The following ZNF688 variants were observed in gnomAD, a reference collection of about 807,000 sequenced individuals.
The protein encoded by ZNF688 is zinc finger protein 688.
In ZNF688, 10 loss-of-function variants were observed where a neutral mutation model predicts 13.2. The ratio of observed to expected loss-of-function variants is 0.76; its 90% CI spans 0.47 to 1.28. The LOEUF (loss-of-function observed/expected upper bound fraction) is 1.28, where lower values mean the gene tolerates loss of function less well. Ranked by LOEUF, ZNF688 falls within the 50% of genes most tolerant of loss-of-function variation. ZNF688 has a pLI of 0.00. For missense variants in ZNF688, 381 were observed against 391.4 expected, an observed-to-expected ratio of 0.97 and a Z score of 0.22; for synonymous variants, 160 against 159.4, an observed-to-expected ratio of 1.00 and a Z score of -0.03.
In ZNF688 at chr16:30,571,695, T is replaced by C. The variant is rs2151231913; in HGVS notation, c.-66A>G. On this transcript the variant is annotated 5_prime_UTR_variant, in exon 1 of 3. Transcript: ENST00000223459. ...AGCCGCCGCCTCCCCGCTCCCGGCC[T>C]CAGCTGTCGTTGTCCACAGGAAGGG... The C allele has an allele frequency of 7.4e-7, 1 of 1,358,434 alleles. No homozygotes were observed. The highest frequency in any genetic ancestry group is 3.0e-5 in the East Asian group (1 of 32,988). The allele number at this position is 1,358,434 out of a possible 1,614,324, so 84.1% of individuals were successfully genotyped here.
chr16:30,579,590 A>G, the ZNF688 span: 1 of 325,328 alleles, frequency 3.1e-6, no homozygotes, highest in Non-Finnish European at 6.2e-6. Flanking sequence ...TATATTGCCC[A>G]GCTGGTCTCA....
At position 30,569,984 on chromosome 16, in the gene ZNF688, CG is replaced by C; in HGVS notation, c.762del (p.Val255SerfsTer82). 6.2e-7 allele frequency: 1 copy of C among 1,603,682 alleles called. No homozygotes were observed. On this transcript the variant is annotated frameshift_variant, in exon 3 of 3. Coordinates refer to ENST00000223459, the MANE Select transcript of ZNF688 (RefSeq NM_145271.4). LOFTEE classifies it high-confidence loss of function. ...RPGIRAVPRA[P>X]VRGDRDPPVL... ...ACAGGCGGGTCCCGGTCACCTCGGA[CG>C]GGGGCCCGAGGCACAGCCCGGATCC...
chr16:30,572,054 G>C, upstream of ZNF688: 1 of 1,432,774 alleles, frequency 7.0e-7, no homozygotes, highest in Non-Finnish European at 9.2e-7. Context: ...GGGAGGCGGG[G>C]TGTCTGGGAA....
chr16:30,570,051 G>C lies in ZNF688; in HGVS notation c.696C>G (p.Ile232Met). ...RKFAVEAHQW[I>M]HRSCSGGRRG... The stretch of plus-strand genomic sequence containing the variant: ...GCCGCCCCCCGGAGCAGGAGCGGTG[G>C]ATCCACTGGTGCGCTTCCACTGCGA... Residue 232 changes from isoleucine to methionine, a missense_variant, in exon 3 of 3, where the codon ATC becomes ATG. Ile to Met is a conservative substitution (Grantham distance 10, BLOSUM62 1). Transcript: ENST00000223459. The C allele has an allele frequency of 6.2e-7, 1 of 1,610,990 alleles. No individual in the cohort carries two copies. Among genetic ancestry groups the C allele is most frequent in the Non-Finnish European group, 8.5e-7 (1 of 1,179,278 alleles).
In ZNF688 at chr16:30,570,991, A is replaced by G; in HGVS notation, c.310+19T>C. The G allele has an allele frequency of 6.2e-7, 1 of 1,610,234 alleles. No individual in the cohort carries two copies. The highest frequency in any genetic ancestry group is 8.5e-7 in the Non-Finnish European group (1 of 1,176,818). ...AAGCCCTGGAAAACCAAGTGGGGGG[A>G]CCCGGGACTATCCCTCACCTCTCCG... On this transcript the variant is annotated intron_variant, in intron 2 of 2. Transcript: ENST00000223459.
In ZNF688 at chr16:30,570,175, C is replaced by A. The variant is rs374380099; in HGVS notation, c.572G>T (p.Arg191Leu). The change falls in exon 3 of 3, where the codon CGC (arginine) becomes CTC (leucine). Residue 191 changes from arginine (R) to leucine (L), a missense_variant. Transcript: ENST00000223459. ...RRHVCTDCGR[R>L]FTYPSLLVSH... ...GACCAGCAGTGAGGGGTAGGTGAAG[C>A]GGCGGCCGCAGTCCGTGCACACGTG... 1 of 1,610,028 alleles carries A rather than the reference C, an allele frequency of 6.2e-7. No individual in the cohort carries two copies. The highest frequency in any genetic ancestry group is 1.1e-5 in the South Asian group (1 of 90,832).
the ZNF688 span, chr16:30,579,756 C>T: frequency 2.2e-6 from 1 of 453,560 alleles, no homozygotes; most frequent in South Asian, 1.6e-5. Flanking sequence ...AGTCACTGAC[C>T]ACCAGTCCTG....
the ZNF688 span, chr16:30,579,931 A>G: frequency 2.2e-6 from 1 of 450,852 alleles, no homozygotes; most frequent in East Asian, 7.0e-5. Flanking sequence ...TTTGTCGCCC[A>G]GGCTGGAGTG....
At chr16:30,573,090 G>A (rs909019633), upstream of ZNF688, among the ~76,000 whole-genome samples, 27 of 151,902 alleles carry the variant, frequency 1.8e-4, no homozygotes, top group Middle Eastern at 3.4e-3. Context: ...ATTTTTAGTA[G>A]AGACGGGGTT....
At chr16:30,575,656 T>G (rs2051738582), upstream of ZNF688, among the ~76,000 whole-genome samples, 1 of 151,984 alleles carries the variant, frequency 6.6e-6, no homozygotes, top group Admixed American at 6.6e-5. Flanking sequence ...CTTCTCTTTT[T>G]TTTTCTTTTT....
At chr16:30,570,900 C>T (rs1314542680) in intron 2 of ZNF688, 110 bp downstream of exon 2, 7 of 1,175,648 alleles carry the variant, frequency 6.0e-6, no homozygotes, top group Non-Finnish European at 8.7e-6. Flanking sequence ...CTCTAGTACC[C>T]AACACAGTTG....
upstream of ZNF688, among the ~76,000 whole-genome samples, chr16:30,575,590 G>C (rs150757909): frequency 2.2e-4 from 33 of 151,202 alleles, no homozygotes; most frequent in East Asian, 6.5e-3. Flanking sequence ...TCTCCATATT[G>C]TTTTCAGTAG....
chr16:30,570,512 T>C, intron 2 of ZNF688, 76 bp from the exon 3 acceptor site: 2 of 1,514,358 alleles, frequency 1.3e-6, no homozygotes, highest in Non-Finnish European at 1.8e-6. Context: ...GCTTTTCACT[T>C]AAGGCAGTGA....
chr16:30,575,740 T>C (rs2051739888), upstream of ZNF688, among the ~76,000 whole-genome samples: 1 of 151,880 alleles, frequency 6.6e-6, no homozygotes, highest in African/African-American at 2.4e-5. Flanking sequence ...CACCACAACT[T>C]CTGCCACCAG....
At chr16:30,576,313 G>A (rs572327308), upstream of ZNF688, among the ~76,000 whole-genome samples, 5 of 152,240 alleles carry the variant, frequency 3.3e-5, no homozygotes, top group Non-Finnish European at 4.4e-5. Flanking sequence ...CCGGGCTAAC[G>A]CCATTCTCCC....
chr16:30,573,972 C>A, upstream of ZNF688: 1 of 289,518 alleles, frequency 3.5e-6, no homozygotes, highest in Middle Eastern at 1.1e-3. Flanking sequence ...TTAGGCCCAG[C>A]CCAGTTGCTC....
upstream of ZNF688, among the ~76,000 whole-genome samples, chr16:30,575,745 C>T (rs2051739930): frequency 6.6e-6 from 1 of 151,842 alleles, no homozygotes; most frequent in Admixed American, 6.6e-5. Flanking sequence ...CAACTTCTGC[C>T]ACCAGGGTTC....
rs780449641 is a variant in ZNF688, at chr16:30,570,182, C to T, written c.565G>A (p.Gly189Ser). 2 of 1,610,716 alleles carry T rather than the reference C, an allele frequency of 1.2e-6. No homozygotes were observed. Among genetic ancestry groups the T allele is most frequent in the South Asian group, 1.1e-5 (1 of 90,924 alleles). ...GQRRHVCTDC[G>S]RRFTYPSLLV... ...AGTGAGGGGTAGGTGAAGCGGCGGCCGCAGTCCGTGCACACGTGGCGCCGC... is the reference window on the plus strand; with the variant it reads ...AGTGAGGGGTAGGTGAAGCGGCGGCTGCAGTCCGTGCACACGTGGCGCCGC... The change falls in exon 3 of 3, where the codon GGC becomes AGC. Residue 189 changes from glycine (G) to serine (S), a missense_variant. Transcript: ENST00000223459.
Position 30,571,684 on chromosome 16 carries a change from C to T in ZNF688, c.-55G>A. The T allele has an allele frequency of 7.4e-7, 1 of 1,359,308 alleles. No homozygotes were observed. The highest frequency in any genetic ancestry group is 9.4e-7 in the Non-Finnish European group (1 of 1,060,918). 84.2% of individuals were successfully genotyped at this position (1,359,308 alleles called of 1,614,324 possible). ...CAGGTCCCTGGAGCCGCCGCCTCCC[C>T]GCTCCCGGCCTCAGCTGTCGTTGTC... On this transcript the variant is annotated 5_prime_UTR_variant, in exon 1 of 3. Coordinates refer to ENST00000223459, the MANE Select transcript of ZNF688 (RefSeq NM_145271.4).
Sources: allele counts gnomAD v4.1 joint callset (sites outside exome capture counted in the v4.1 genomes callset), GRCh38; gene constraint gnomAD v4.1.1; transcripts MANE v1.5; gene names NCBI Gene and HGNC (gene_info 2026-07-23, HGNC 2026-07-21).